The following GPATCH3 variants were observed in gnomAD, a reference collection of about 807,000 sequenced individuals.
GPATCH3 encodes G patch domain-containing protein 3.
A neutral mutation model predicts 53.2 loss-of-function variants in GPATCH3; 45 were observed. That is an observed-to-expected ratio of 0.85 (90% CI 0.67 to 1.08). GPATCH3 has a LOEUF of 1.08. GPATCH3 is among the 50% of genes least tolerant of loss of function. GPATCH3 has a pLI of 0.00. For synonymous variants in GPATCH3, 280 were observed against 270.6 expected, an observed-to-expected ratio of 1.03 and a Z score of -0.34; for missense variants, 680 against 687.2, an observed-to-expected ratio of 0.99 and a Z score of 0.12.
intron 1 of GPATCH3, among the ~76,000 whole-genome samples, chr1:26,898,697 C>G (rs1170677635): frequency 6.7e-6 from 1 of 149,234 alleles, no homozygotes. Context: ...GATGGGGTCT[C>G]GTTCTGTCAC....
At position 26,891,201 on chromosome 1, in the gene GPATCH3, A is replaced by G. The variant is rs748820805; in HGVS notation, c.1387T>C (p.Phe463Leu). The G allele has an allele frequency of 6.2e-7, 1 of 1,613,636 alleles. No homozygotes were observed. The highest frequency in any genetic ancestry group is 1.1e-5 in the South Asian group (1 of 91,012). Residue 463 changes from phenylalanine (F) to leucine (L), a missense_variant, in exon 7 of 7, where the codon TTT becomes CTT. Physicochemically the swap from Phe to Leu is conservative, Grantham distance 22 (BLOSUM62 0). Coordinates refer to ENST00000361720, the MANE Select transcript of GPATCH3 (RefSeq NM_022078.3). ...CTACGGGGCCTCTTCAGTTGCCCAA[A>G]TGGCTGTAGCTTCTCTCCATGGTAC... The part of the protein sequence containing the change: ...LGYHGEKLQP[F>L]GQLKRPRRNG...
At position 26,894,303 on chromosome 1, in the gene GPATCH3, C is replaced by T. The variant is rs766590048; in HGVS notation, c.984G>A (p.Lys328=). 5.0e-6 allele frequency: 8 copies of T among 1,614,194 alleles called. No homozygotes were observed. The South Asian group carries it at 6.6e-5, about 13-fold the overall frequency. Residue 328 remains lysine, a synonymous_variant, in exon 3 of 7, where the codon AAG becomes AAA. Transcript: ENST00000361720. ...CCAGGCCAGAGCCACCCTTCTCCCA[C>T]TTGAGCTCAATCTCCTCCTCAAAGA... ...EQLFEEEIEL[K]WEKGGSGLVF...
rs1325708037 is a variant in GPATCH3, at chr1:26,891,162, G to C, written c.1426C>G (p.Leu476Val). Residue 476 changes from leucine (L) to valine (V), a missense_variant, in exon 7 of 7, where the codon CTC becomes GTC. Transcript: ENST00000361720. The part of the protein sequence containing the change: ...LKRPRRNGLG[L>V]ISTIYDEPLP... ...GGCTCATCATAGATGGTGGAGATGA[G>C]CCCCAAGCCATTTCTACGGGGCCTC... 1 of 1,613,920 alleles carries C rather than the reference G, an allele frequency of 6.2e-7. No individual in the cohort carries two copies. The highest frequency in any genetic ancestry group is 1.3e-5 in the African/African-American group (1 of 74,896).
rs760813451 is a variant in GPATCH3 at position 26,900,081 on chromosome 1, T to C, written c.362A>G (p.Tyr121Cys). The change falls in exon 1 of 7, where the codon TAC (tyrosine) becomes TGC (cysteine). Residue 121 changes from tyrosine to cysteine, a missense_variant. Tyr to Cys is a radical substitution (Grantham distance 194). Coordinates refer to ENST00000361720, the MANE Select transcript of GPATCH3 (RefSeq NM_022078.3). ...AGAATCCAGCCACCGGCGGCCCGAG[T>C]ACATGCGAATAAGCCTCTGAGCTTG... ...LAQAQRLIRMYSGRRWLDSHG... is the reference protein window; with the variant it reads ...LAQAQRLIRMCSGRRWLDSHG... The C allele has an allele frequency of 8.1e-6, 13 of 1,613,836 alleles. No individual in the cohort carries two copies. The highest frequency in any genetic ancestry group is 1.0e-5 in the Non-Finnish European group (12 of 1,179,986).
rs1333051055 is a variant in GPATCH3 at position 26,900,248 on chromosome 1, G to A, written c.195C>T (p.Ala65=). ...RAPPQAAPNS[A]LIPTDPAAEG... is the part of the protein sequence containing the mutation. ...CAGCGGCTGGGTCGGTAGGAATTAGGGCAGAGTTAGGAGCGGCCTGCGGAG... is the reference window on the plus strand; with the variant it reads ...CAGCGGCTGGGTCGGTAGGAATTAGAGCAGAGTTAGGAGCGGCCTGCGGAG... The change falls in exon 1 of 7, where the codon GCC becomes GCT. Residue 65 remains alanine (A), a synonymous_variant. Coordinates refer to ENST00000361720, the MANE Select transcript of GPATCH3 (RefSeq NM_022078.3). 2 of 1,614,140 alleles carry A rather than the reference G, an allele frequency of 1.2e-6. No homozygotes were observed. Among genetic ancestry groups the A allele is most frequent in the South Asian group, 1.1e-5 (1 of 91,082 alleles).
Position 26,892,988 on chromosome 1 carries a change from A to G in GPATCH3, c.1112-197T>C, listed in dbSNP as rs1160625304. The G allele has an allele frequency of 1.4e-5, 9 of 636,134 alleles. No individual in the cohort carries two copies. The East Asian group carries it at 2.5e-4, about 18-fold the overall frequency. 39.4% of individuals were successfully genotyped at this position (636,134 alleles called of 1,614,324 possible). A position where few individuals can be genotyped will look rare whatever the true frequency, so the allele number is the denominator to read the frequency against. On this transcript the variant is annotated intron_variant, in intron 4 of 6. Transcript: ENST00000361720. ...CAGATGAGAAGATTGTGGTGCAGAA[A>G]AGTAACAGAGCCAACAAATGACAGA... is the stretch of plus-strand genomic sequence containing the variant.
chr1:26,898,923 C>T (rs903441087), intron 1 of GPATCH3, among the ~76,000 whole-genome samples: 3 of 152,146 alleles, frequency 2.0e-5, no homozygotes, highest in Non-Finnish European at 4.4e-5. Flanking sequence ...CCTGTGCCTC[C>T]CAAAGTGCTG....
intron 6 of GPATCH3, among the ~76,000 whole-genome samples, chr1:26,891,480 G>A (rs926116142): frequency 6.6e-6 from 1 of 150,950 alleles, no homozygotes; most frequent in South Asian, 2.1e-4. Flanking sequence ...CCAACAAAGG[G>A]TATGAATGAT....
chr1:26,895,203 AC>A (rs2081945490), intron 2 of GPATCH3, among the ~76,000 whole-genome samples: 1 of 151,788 alleles, frequency 6.6e-6, no homozygotes, highest in African/African-American at 2.4e-5. Flanking sequence ...CTAGCTTGAA[AC>A]CCTGTAGGCC....
intron 3 of GPATCH3, among the ~76,000 whole-genome samples, chr1:26,893,765 C>T (rs2124019902): frequency 6.6e-6 from 1 of 152,166 alleles, no homozygotes; most frequent in East Asian, 1.9e-4. Flanking sequence ...GTGATCTGCC[C>T]ACCTCAGCCT....
chr1:26,896,560 C>T (rs1014132662), intron 2 of GPATCH3, among the ~76,000 whole-genome samples: 1 of 147,406 alleles, frequency 6.8e-6, no homozygotes, highest in Non-Finnish European at 1.5e-5. Flanking sequence ...ATTAGCCGGG[C>T]GTGGTGGCAC....
chr1:26,893,305 C>G, intron 4 of GPATCH3, 84 bp downstream of exon 4: 1 of 1,093,838 alleles, frequency 9.1e-7, no homozygotes, highest in Non-Finnish European at 1.4e-6. Context: ...TACCCTGTCT[C>G]AGCCTTTGCT....
chr1:26,897,685 C>G lies in GPATCH3; in HGVS notation c.492G>C (p.Gln164His). 1 of 1,613,964 alleles carries G rather than the reference C, an allele frequency of 6.2e-7. No homozygotes were observed. ...SFPFKTRKEL[Q>H]SWKAENEAFT... is the part of the protein sequence containing the mutation. Reference sequence around the variant, plus strand: ...AGGCTTCATTCTCTGCCTTCCAACTCTGCAGTTCCTTCCGGGTCTTGAAGG... The same window carrying G: ...AGGCTTCATTCTCTGCCTTCCAACTGTGCAGTTCCTTCCGGGTCTTGAAGG... Residue 164 changes from glutamine (Q) to histidine (H), a missense_variant, in exon 2 of 7, where the codon CAG becomes CAC. Gln to His is a conservative substitution (Grantham distance 24). Transcript: ENST00000361720.
Position 26,893,441 on chromosome 1 carries a change from A to C in GPATCH3, c.1059T>G (p.Asp353Glu). ...CATCCCAGTCATCGGCTGTCTGTTCATCAAAATCTGTAGGGACAGAAAAGC... is the reference window on the plus strand; with the variant it reads ...CATCCCAGTCATCGGCTGTCTGTTCCTCAAAATCTGTAGGGACAGAAAAGC... ...QFWQEEEGDF[D>E]EQTADDWDVD... The change falls in exon 4 of 7, where the codon GAT (aspartate) becomes GAG (glutamate). Residue 353 changes from aspartate to glutamate, a missense_variant. Physicochemically the swap from Asp to Glu is conservative, Grantham distance 45 (BLOSUM62 2). Transcript: ENST00000361720. 2 of 1,612,626 alleles carry C rather than the reference A, an allele frequency of 1.2e-6. No individual in the cohort carries two copies. The highest frequency in any genetic ancestry group is 8.5e-7 in the Non-Finnish European group (1 of 1,178,874).
chr1:26,894,238 CCTT>C lies in GPATCH3; in HGVS notation c.1046_1048del (p.Glu349del), dbSNP rs2081941072. ...CTTTGCCTGGGTACCAGCATTACCT[CCTT>C]CTTCCTCCTGCCAGAACTGGGCATC... On this transcript the variant is annotated inframe_deletion, in exon 3 of 7. Coordinates refer to ENST00000361720, the MANE Select transcript of GPATCH3 (RefSeq NM_022078.3). 5 of 1,613,856 alleles carry C rather than the reference CCTT, an allele frequency of 3.1e-6. No individual in the cohort carries two copies. In the South Asian group the frequency reaches 4.4e-5, roughly 14 times the overall value.
chr1:26,899,896 T>A (rs1007917190), intron 1 of GPATCH3, 96 bp downstream of exon 1: 35 of 1,102,612 alleles, frequency 3.2e-5, no homozygotes, highest in Non-Finnish European at 4.2e-5. Context: ...ACTCATAGAG[T>A]CCTAACCAGA....
intron 2 of GPATCH3, among the ~76,000 whole-genome samples, chr1:26,895,274 C>T (rs771644540): frequency 1.5e-4 from 23 of 152,076 alleles, no homozygotes; most frequent in Admixed American, 3.9e-4. Context: ...CCTGTAATCC[C>T]AGCACTTTGG....
At position 26,891,061 on chromosome 1, in the gene GPATCH3, G is replaced by A. The variant is rs1170970339; in HGVS notation, c.1527C>T (p.Ala509=). ...PTSMKFRTDM[A]FVRGSSCASD... is the part of the protein sequence containing the mutation. ...AAGCACAACTGGAACCCCTCACAAAGGCCATGTCTGTCCGAAACTTCATGC... is the reference window on the plus strand; with the variant it reads ...AAGCACAACTGGAACCCCTCACAAAAGCCATGTCTGTCCGAAACTTCATGC... The change falls in exon 7 of 7, where the codon GCC becomes GCT. Residue 509 remains alanine (A), a synonymous_variant. Transcript: ENST00000361720. The A allele has an allele frequency of 1.5e-5, 24 of 1,614,148 alleles. No homozygotes were observed. Among genetic ancestry groups the A allele is most frequent in the Non-Finnish European group, 1.9e-5 (22 of 1,180,016 alleles).
intron 2 of GPATCH3, among the ~76,000 whole-genome samples, chr1:26,896,527 T>TAAAA (rs1322710696): frequency 7.9e-6 from 1 of 125,928 alleles, no homozygotes; most frequent in African/African-American, 3.2e-5. Flanking sequence ...CTGTCTCTAC[T>TAAAA]AAAAATAAAA....
Sources: allele counts gnomAD v4.1 joint callset (sites outside exome capture counted in the v4.1 genomes callset), GRCh38; gene constraint gnomAD v4.1.1; transcripts MANE v1.5; gene names NCBI Gene and HGNC (gene_info 2026-07-23, HGNC 2026-07-21).